PIP5K1C: variants seen among roughly 807,000 people sequenced by gnomAD.
The protein encoded by PIP5K1C is phosphatidylinositol 4-phosphate 5-kinase type-1 gamma.
PIP5K1C carries 45 observed loss-of-function variants against 80.1 expected under a neutral mutation model. The ratio of observed to expected loss-of-function variants is 0.56; its 90% CI spans 0.44 to 0.72. PIP5K1C has a LOEUF of 0.72. Ranked by LOEUF, PIP5K1C falls within the 30% of genes least tolerant of loss-of-function variation. PIP5K1C has a pLI of 0.00. For synonymous variants in PIP5K1C, 498 were observed against 420.1 expected (o/e 1.19, Z -2.27); for missense variants, 753 against 954.6 (o/e 0.79, Z 2.78).
chr19:3,679,515 G>T (rs2035520170), intron 1 of PIP5K1C, among the ~76,000 whole-genome samples: 1 of 152,224 alleles, frequency 6.6e-6, no homozygotes, highest in South Asian at 2.1e-4. Flanking sequence ...TCCTGTGGGA[G>T]CACAGACCTG....
intron 1 of PIP5K1C, among the ~76,000 whole-genome samples, chr19:3,684,730 G>A (rs1029743614): frequency 6.6e-6 from 1 of 152,218 alleles, no homozygotes; most frequent in Non-Finnish European, 1.5e-5. Context: ...CACCCAGAGC[G>A]GGACCACCAC....
chr19:3,672,893 G>A (rs2035254692), intron 1 of PIP5K1C, among the ~76,000 whole-genome samples: 1 of 151,582 alleles, frequency 6.6e-6, no homozygotes. Flanking sequence ...CCTGGAGGCG[G>A]TGGGGGCGGG....
chr19:3,637,128 C>T lies in PIP5K1C; in HGVS notation c.1920+1756G>A. On this transcript the variant is annotated intron_variant, in intron 16 of 17. Transcript: ENST00000335312. This position sits in a 1 kb window ranked among gnomAD's most constrained non-coding sequence, Gnocchi z 7.0. ...CCACTCTGCTGACCTGTGCAACCTC[C>T]CCTGTGCAGCCAGCGGGGCCACGGG... 2 of 1,376,742 alleles carry T rather than the reference C, an allele frequency of 1.5e-6. No homozygotes were observed. The highest frequency in any genetic ancestry group is 2.9e-5 in the East Asian group (1 of 34,648). The allele number at this position is 1,376,742 out of a possible 1,614,324, so 85.3% of individuals were successfully genotyped here.
At chr19:3,635,718 G>A (rs960527131) in intron 16 of PIP5K1C, among the ~76,000 whole-genome samples, 2 of 152,066 alleles carry the variant, frequency 1.3e-5, no homozygotes, top group African/African-American at 2.4e-5. Context: ...GGTGGCTTAC[G>A]CCTGTAATCC....
Position 3,648,774 on chromosome 19 carries a change from G to T in PIP5K1C, c.1128-66C>A. The T allele has an allele frequency of 7.3e-7, 1 of 1,363,542 alleles. No individual in the cohort carries two copies. The highest frequency in any genetic ancestry group is 1.0e-6 in the Non-Finnish European group (1 of 956,700). The allele number at this position is 1,363,542 out of a possible 1,614,324, so 84.5% of individuals were successfully genotyped here. A position where few individuals can be genotyped will look rare whatever the true frequency, so the allele number is the denominator to read the frequency against. Reference sequence around the variant, plus strand: ...GCTGGGACTCGGGGCAGGCGGGGCTGGGGACTCCAGGGCTAGGGAGTCCAT... The same window carrying T: ...GCTGGGACTCGGGGCAGGCGGGGCTTGGGACTCCAGGGCTAGGGAGTCCAT... On this transcript the variant is annotated intron_variant, in intron 8 of 17. Transcript: ENST00000335312. This position sits in a 1 kb window ranked among gnomAD's most constrained non-coding sequence, Gnocchi z 4.3.
Position 3,688,967 on chromosome 19 carries a change from C to A in PIP5K1C, c.94+11330G>T, listed in dbSNP as rs567771793. ...GGATGGGGCTGGGGGGTGGGGGGGG[C>A]TTGGCGCACGCGGCCTATGGTCTGT... On this transcript the variant is annotated intron_variant, in intron 1 of 17. Coordinates refer to ENST00000335312, the MANE Select transcript of PIP5K1C (RefSeq NM_012398.3). The surrounding 1 kb of genome is among the most constrained non-coding windows in gnomAD (Gnocchi z 5.3). Among the ~76,000 whole-genome samples the A allele has an allele frequency of 6.6e-6, 1 of 151,040 alleles. No individual in the cohort carries two copies. Among genetic ancestry groups the A allele is most frequent in the Non-Finnish European group, 1.5e-5 (1 of 67,912 alleles).
intron 1 of PIP5K1C, among the ~76,000 whole-genome samples, chr19:3,695,679 C>T (rs972541606): frequency 7.3e-5 from 11 of 151,656 alleles, no homozygotes; most frequent in African/African-American, 2.7e-4. Context: ...CCTCAGCCTC[C>T]GCCTGGGCCC....
intron 1 of PIP5K1C, among the ~76,000 whole-genome samples, chr19:3,691,983 C>T (rs962099907): frequency 1.3e-5 from 2 of 152,188 alleles, no homozygotes; most frequent in Non-Finnish European, 2.9e-5. Context: ...TTTTCCCTGC[C>T]CCAGCAGCCC....
intron 1 of PIP5K1C, among the ~76,000 whole-genome samples, chr19:3,694,657 C>G (rs1278166032): frequency 6.6e-6 from 1 of 152,270 alleles, no homozygotes; most frequent in Non-Finnish European, 1.5e-5. Flanking sequence ...GACCCTCTCC[C>G]ACCACGTTGA....
In PIP5K1C at chr19:3,638,947, C is replaced by A. The variant is rs1005305262; in HGVS notation, c.1857G>T (p.Glu619Asp). ...EVETASQASD[E>D]EGAPASQASD... ...AGGCCTGGCTGGCAGGTGCGCCCTCCTCGTCTGAGGCCTGGCTGGCAGTTT... is the reference window on the plus strand; with the variant it reads ...AGGCCTGGCTGGCAGGTGCGCCCTCATCGTCTGAGGCCTGGCTGGCAGTTT... The change falls in exon 16 of 18, where the codon GAG becomes GAT. Residue 619 changes from glutamate to aspartate, a missense_variant. Around this residue, in one of 6 missense-constraint regions of PIP5K1C, gnomAD observed 315 missense variants for 294.5 expected, o/e 1.07. Transcript: ENST00000335312. 1 of 1,612,374 alleles carries A rather than the reference C, an allele frequency of 6.2e-7. No individual in the cohort carries two copies.
chr19:3,636,983 T>C (rs2033713422), intron 16 of PIP5K1C: 12 of 1,027,154 alleles, frequency 1.2e-5, no homozygotes, highest in Non-Finnish European at 1.4e-5. Flanking sequence ...GACTAAACCG[T>C]GTGGTCTCCC....
chr19:3,677,193 G>C (rs950753369), intron 1 of PIP5K1C, among the ~76,000 whole-genome samples: 2 of 152,202 alleles, frequency 1.3e-5, no homozygotes, highest in African/African-American at 4.8e-5. Flanking sequence ...ACAAGACCAG[G>C]GGTGTGGCTG....
rs899387536 is a variant in PIP5K1C, at chr19:3,637,413, C to T, written c.1920+1471G>A. The T allele has an allele frequency of 1.1e-5, 17 of 1,535,458 alleles. No individual in the cohort carries two copies. The highest frequency in any genetic ancestry group is 1.4e-5 in the Non-Finnish European group (16 of 1,146,796). On this transcript the variant is annotated intron_variant, in intron 16 of 17. Coordinates refer to ENST00000335312, the MANE Select transcript of PIP5K1C (RefSeq NM_012398.3). The surrounding 1 kb of genome is among the most constrained non-coding windows in gnomAD (Gnocchi z 7.0). ...TGACCTCAATTGCAGCCGTGATTTA[C>T]CCAAAGCCCTTCTGGAAAACAACTG... is the stretch of plus-strand genomic sequence containing the variant.
intron 1 of PIP5K1C, among the ~76,000 whole-genome samples, chr19:3,687,054 A>G (rs1423336374): frequency 1.3e-5 from 2 of 152,118 alleles, no homozygotes; most frequent in Non-Finnish European, 2.9e-5. Context: ...TTAGCCGGGC[A>G]TAGTGGTGCA....
chr19:3,697,187 G>GGGAGGACTGAGCCGGATGGA (rs2036143898), intron 1 of PIP5K1C, among the ~76,000 whole-genome samples: 2 of 142,606 alleles, frequency 1.4e-5, no homozygotes, highest in Non-Finnish European at 3.0e-5. Context: ...AGCTGGACTG[G>GGGAGGACTGAGCCGGATGGA]GGAGGACTGA....
At chr19:3,671,839 G>C (rs2035216122) in intron 1 of PIP5K1C, among the ~76,000 whole-genome samples, 1 of 152,244 alleles carries the variant, frequency 6.6e-6, no homozygotes, top group Non-Finnish European at 1.5e-5. Context: ...CCCCATAGGG[G>C]GCTGTCATGA....
chr19:3,695,469 A>G (rs997685710), intron 1 of PIP5K1C, among the ~76,000 whole-genome samples: 1 of 152,228 alleles, frequency 6.6e-6, no homozygotes, highest in African/African-American at 2.4e-5. Context: ...AAAGGCAGCC[A>G]TCACGCCCAC....
intron 1 of PIP5K1C, among the ~76,000 whole-genome samples, chr19:3,682,406 C>T (rs571878958): frequency 2.7e-5 from 4 of 149,888 alleles, no homozygotes; most frequent in East Asian, 2.0e-4. Flanking sequence ...GTGGGCCAGG[C>T]GCAGTTCTCA....
chr19:3,697,845 C>T (rs1029245337), intron 1 of PIP5K1C, among the ~76,000 whole-genome samples: 3 of 152,386 alleles, frequency 2.0e-5, no homozygotes, highest in East Asian at 1.9e-4. Context: ...ACAGCCGCAT[C>T]CCAAGCCCCG....
Sources: allele counts gnomAD v4.1 joint callset (sites outside exome capture counted in the v4.1 genomes callset), GRCh38; gene constraint gnomAD v4.1.1; regional missense constraint gnomAD v4.1.1; non-coding constraint Gnocchi (gnomAD v3.1); transcripts MANE v1.5; gene names NCBI Gene and HGNC (gene_info 2026-07-23, HGNC 2026-07-21).